Variants in FNDC3B observed in about 807,000 individuals in gnomAD.
FNDC3B encodes fibronectin type III domain containing 3B.
Under a neutral mutation model 151.5 loss-of-function variants are expected in FNDC3B, and 12 were observed. The observed-to-expected ratio is 0.08, with a 90% CI of 0.05 to 0.13. FNDC3B has a LOEUF of 0.13. Among genes scored for constraint, FNDC3B ranks in the 10% least tolerant of loss-of-function variants. The pLI is 1.00. For missense variants in FNDC3B, 1,214 were observed against 1,505.3 expected, an observed-to-expected ratio of 0.81 and a Z score of 3.20; for synonymous variants, 528 against 549.0, an observed-to-expected ratio of 0.96 and a Z score of 0.54.
intron 1 of FNDC3B, among the ~76,000 whole-genome samples, chr3:172,087,083 C>T (rs1718584630): frequency 6.6e-6 from 1 of 152,132 alleles, no homozygotes; most frequent in African/African-American, 2.4e-5. Flanking sequence ...GTGGCATGCT[C>T]AAAACAGTGT....
At chr3:172,057,476 A>C (rs1716971111) in intron 1 of FNDC3B, among the ~76,000 whole-genome samples, 2 of 152,202 alleles carry the variant, frequency 1.3e-5, no homozygotes, top group African/African-American at 4.8e-5. Context: ...AGAGGTACCT[A>C]AACCTCACCA....
chr3:172,344,890 G>A (rs1576932150), intron 19 of FNDC3B, among the ~76,000 whole-genome samples: 1 of 152,276 alleles, frequency 6.6e-6, no homozygotes, highest in Admixed American at 6.5e-5. Context: ...TGAGCAGTGG[G>A]AGTCCCAGTA....
chr3:172,239,856 CTTTTTT>C (rs71179981), intron 4 of FNDC3B, among the ~76,000 whole-genome samples: 11 of 49,926 alleles, frequency 2.2e-4, no homozygotes, highest in African/African-American at 6.8e-4. Flanking sequence ...CATTTTAGTT[CTTTTTT>C]TTTTTTTTTT....
intron 16 of FNDC3B, among the ~76,000 whole-genome samples, chr3:172,340,305 T>A (rs1200404038): frequency 1.2e-5 from 1 of 80,032 alleles, no homozygotes; most frequent in East Asian, 3.7e-4. Context: ...TTTTTTTTTT[T>A]GAGAGAGTTT....
At chr3:172,325,758 G>T (rs924680134) in intron 11 of FNDC3B, among the ~76,000 whole-genome samples, 1 of 152,196 alleles carries the variant, frequency 6.6e-6, no homozygotes, top group African/African-American at 2.4e-5. Flanking sequence ...CTTCTCAGCT[G>T]CAGATCACTT....
intron 3 of FNDC3B, among the ~76,000 whole-genome samples, chr3:172,135,322 C>T (rs1264756792): frequency 6.6e-6 from 1 of 151,778 alleles, no homozygotes; most frequent in Non-Finnish European, 1.5e-5. Flanking sequence ...ACTGAGTTGG[C>T]CGCTCCCCCA....
intron 11 of FNDC3B, among the ~76,000 whole-genome samples, chr3:172,325,698 G>T (rs542363662): frequency 3.3e-5 from 5 of 152,334 alleles, no homozygotes; most frequent in African/African-American, 1.2e-4. Flanking sequence ...AGACCAGCAC[G>T]CTGGCATCGG....
chr3:172,342,150 T>C (rs1188735141), intron 17 of FNDC3B, among the ~76,000 whole-genome samples: 1 of 152,242 alleles, frequency 6.6e-6, no homozygotes, highest in Non-Finnish European at 1.5e-5. Context: ...TCAGTTTTTG[T>C]GTTTACTTTC....
chr3:172,310,938 T>G, intron 11 of FNDC3B, 57 bp downstream of exon 11: 1 of 1,163,470 alleles, frequency 8.6e-7, no homozygotes, highest in Non-Finnish European at 1.3e-6. Context: ...CAAAATTAAC[T>G]GAACAAATGC....
chr3:172,050,700 CGTGTGTGTGT>C (rs71975191), intron 1 of FNDC3B, among the ~76,000 whole-genome samples: 15 of 145,076 alleles, frequency 1.0e-4, no homozygotes, highest in South Asian at 2.2e-4. Context: ...GGTATATTTT[CGTGTGTGTGT>C]GTGTGTGTGT....
rs188061600 is a variant in FNDC3B at position 172,207,653 on chromosome 3, A to G, written c.188-19218A>G. Among the ~76,000 whole-genome samples the G allele has an allele frequency of 4.0e-3, 617 of 152,354 alleles. 3 individuals carry two copies. The highest frequency in any genetic ancestry group is 0.014 in the African/African-American group (584 of 41,580). On this transcript the variant is annotated intron_variant, in intron 3 of 25. Transcript: ENST00000415807. ...TCATCCAATTGGCCAAAAGGCATCA[A>G]GGAGGTTCTCACTCCCAGTAGCAGT... is the stretch of plus-strand genomic sequence containing the variant.
chr3:172,155,749 A>G (rs956420251), intron 3 of FNDC3B, among the ~76,000 whole-genome samples: 44 of 152,316 alleles, frequency 2.9e-4, no homozygotes, highest in African/African-American at 9.6e-4. Flanking sequence ...GCCTATTTCC[A>G]TTTTCAGTAA....
chr3:172,259,931 A>G (rs1190147784), intron 6 of FNDC3B, among the ~76,000 whole-genome samples: 3 of 152,238 alleles, frequency 2.0e-5, no homozygotes, highest in African/African-American at 4.8e-5. Context: ...GACAAAAAGC[A>G]TGCAAAAATA....
chr3:172,330,443 G>A, intron 12 of FNDC3B, 98 bp from the exon 13 acceptor site: 1 of 1,055,262 alleles, frequency 9.5e-7, no homozygotes, highest in Non-Finnish European at 1.4e-6. Flanking sequence ...CTACCTGCTA[G>A]GCTGAGTTGG....
intron 2 of FNDC3B, among the ~76,000 whole-genome samples, chr3:172,121,648 GTATT>G (rs1209048890): frequency 1.3e-5 from 2 of 152,188 alleles, no homozygotes; most frequent in African/African-American, 4.8e-5. Context: ...GAGTCTTTAA[GTATT>G]TATTGAAAGA....
chr3:172,113,734 C>A (rs1220762220), intron 2 of FNDC3B, among the ~76,000 whole-genome samples: 2 of 152,190 alleles, frequency 1.3e-5, no homozygotes, highest in Non-Finnish European at 2.9e-5. Context: ...TAAAACAAAA[C>A]CTCCTCAGTT....
chr3:172,378,429 C>T lies in FNDC3B; in HGVS notation c.3168C>T (p.Thr1056=), dbSNP rs1456040371. 6.2e-7 allele frequency: 1 copy of T among 1,610,296 alleles called. No homozygotes were observed. The highest frequency in any genetic ancestry group is 8.5e-7 in the Non-Finnish European group (1 of 1,178,476). ...TFSTTKSVPP[T]IKAPRVTQLE... ...GCACAACCAAAAGTGTCCCCCCCAC[C>T]ATCAAAGGTGTGTAGACTATGTATT... The change falls in exon 24 of 26, where the codon ACC becomes ACT. Residue 1056 remains threonine (T), a synonymous_variant. Coordinates refer to ENST00000415807, the MANE Select transcript of FNDC3B (RefSeq NM_022763.4).
At chr3:172,151,993 ATC>A (rs2108603159) in intron 3 of FNDC3B, among the ~76,000 whole-genome samples, 1 of 152,330 alleles carries the variant, frequency 6.6e-6, no homozygotes, top group Non-Finnish European at 1.5e-5. Flanking sequence ...AGCTGGTGAT[ATC>A]CACTTGTGGA....
At chr3:172,073,020 C>A (rs1383552069) in intron 1 of FNDC3B, among the ~76,000 whole-genome samples, 1 of 152,154 alleles carries the variant, frequency 6.6e-6, no homozygotes, top group Admixed American at 6.5e-5. Context: ...TGGAAGCAAG[C>A]AAAGCCTCCA....
Sources: gnomAD v4.1 joint callset for allele counts (sites outside exome capture counted in the v4.1 genomes callset) on GRCh38, gnomAD v4.1.1 for gene constraint, MANE v1.5 for transcripts, NCBI Gene and HGNC (gene_info 2026-07-23, HGNC 2026-07-21) for gene names.